DYNC1I1: variants seen among roughly 807,000 people sequenced by gnomAD.
DYNC1I1 encodes cytoplasmic dynein 1 intermediate chain 1.
DYNC1I1 carries 43 observed loss-of-function variants against 86.6 expected under a neutral mutation model. The observed-to-expected ratio is 0.50, with a 90% CI of 0.39 to 0.64. DYNC1I1 has a LOEUF of 0.64. Among genes scored for constraint, DYNC1I1 ranks in the 30% least tolerant of loss-of-function variants. The pLI, the probability that DYNC1I1 is intolerant of heterozygous loss-of-function variation, is 0.00. For synonymous variants in DYNC1I1, 262 were observed against 283.7 expected, an observed-to-expected ratio of 0.92 and a Z score of 0.77; for missense variants, 604 against 788.8, an observed-to-expected ratio of 0.77 and a Z score of 2.81.
chr7:95,988,988 T>C (rs1454533912), intron 9 of DYNC1I1, among the ~76,000 whole-genome samples: 1 of 152,182 alleles, frequency 6.6e-6, no homozygotes, highest in African/African-American at 2.4e-5. Flanking sequence ...TCCCGTGGCA[T>C]ATGCTCTTAA....
intron 15 of DYNC1I1, among the ~76,000 whole-genome samples, chr7:96,078,064 T>A (rs1488162083): frequency 1.3e-5 from 2 of 152,206 alleles, no homozygotes; most frequent in East Asian, 3.8e-4. Flanking sequence ...ATCATTTTTG[T>A]CTTCTGGCAA....
intron 6 of DYNC1I1, among the ~76,000 whole-genome samples, chr7:95,904,435 G>T (rs1791119841): frequency 1.3e-5 from 2 of 152,124 alleles, no homozygotes; most frequent in Non-Finnish European, 2.9e-5. Context: ...ACTCAGCATT[G>T]AGAAATTGGT....
intron 1 of DYNC1I1, among the ~76,000 whole-genome samples, chr7:95,795,888 A>T (rs529621746): frequency 3.9e-5 from 6 of 152,064 alleles, no homozygotes; most frequent in Admixed American, 3.9e-4. Context: ...CTTAAAAATA[A>T]AAGTTAAATT....
intron 6 of DYNC1I1, among the ~76,000 whole-genome samples, chr7:95,917,750 C>T (rs949983394): frequency 7.9e-5 from 12 of 152,212 alleles, no homozygotes; most frequent in Admixed American, 3.9e-4. Context: ...GGTTTTTCTT[C>T]ACCTTGTGGG....
At chr7:95,802,442 C>A (rs1405010455) in intron 1 of DYNC1I1, among the ~76,000 whole-genome samples, 3 of 152,188 alleles carry the variant, frequency 2.0e-5, no homozygotes, top group African/African-American at 7.2e-5. Context: ...AGTTTCCCAG[C>A]AGCTTGCCTT....
At chr7:96,037,431 A>C (rs1208487124) in intron 13 of DYNC1I1, among the ~76,000 whole-genome samples, 1 of 152,196 alleles carries the variant, frequency 6.6e-6, no homozygotes, top group African/African-American at 2.4e-5. Context: ...GAGAAAGATA[A>C]ATACACAAAT....
chr7:95,780,682 C>A (rs1793968950), intron 1 of DYNC1I1, among the ~76,000 whole-genome samples: 1 of 152,078 alleles, frequency 6.6e-6, no homozygotes. Flanking sequence ...GGAAAGAAGT[C>A]CTCTCTTTCT....
chr7:95,822,741 G>A (rs1795104418), intron 4 of DYNC1I1, among the ~76,000 whole-genome samples: 1 of 152,118 alleles, frequency 6.6e-6, no homozygotes, highest in South Asian at 2.1e-4. Flanking sequence ...ACTAATCAGA[G>A]CAGCCAAATG....
intron 8 of DYNC1I1, 147 bp downstream of exon 8, chr7:95,985,124 T>C (rs931612940): frequency 7.1e-5 from 78 of 1,092,892 alleles, no homozygotes; most frequent in Non-Finnish European, 2.2e-5. Flanking sequence ...GCTTTGACTA[T>C]GGGCTTTGGT....
Position 96,028,284 on chromosome 7 carries a change from C to T in DYNC1I1, c.1079C>T (p.Pro360Leu). 1 of 1,613,774 alleles carries T rather than the reference C, an allele frequency of 6.2e-7. No individual in the cohort carries two copies. The highest frequency in any genetic ancestry group is 8.5e-7 in the Non-Finnish European group (1 of 1,179,774). ...LWDNRSHRRT[P>L]VQRTPLSAAA... Reference sequence around the variant, plus strand: ...GACAATCGCAGTCATCGAAGGACTCCAGTGCAGCGGACACCCTTATCAGCT... The same window carrying T: ...GACAATCGCAGTCATCGAAGGACTCTAGTGCAGCGGACACCCTTATCAGCT... Residue 360 changes from proline to leucine, a missense_variant, in exon 11 of 17, where the codon CCA (proline) becomes CTA (leucine). By Grantham distance (98) the Pro-to-Leu change is moderately conservative. Coordinates refer to ENST00000447467, the MANE Select transcript of DYNC1I1 (RefSeq NM_001135556.2).
At chr7:95,798,919 C>G (rs1396148180) in intron 1 of DYNC1I1, among the ~76,000 whole-genome samples, 2 of 152,322 alleles carry the variant, frequency 1.3e-5, no homozygotes, top group Middle Eastern at 3.4e-3. Context: ...GGACATTTTC[C>G]TTTCTCTATG....
intron 14 of DYNC1I1, among the ~76,000 whole-genome samples, chr7:96,047,734 C>A (rs1231212090): frequency 6.6e-6 from 1 of 152,170 alleles, no homozygotes; most frequent in Admixed American, 6.5e-5. Context: ...TATTATTATA[C>A]TCTCTGAGAG....
chr7:95,825,399 C>A (rs913003674), intron 4 of DYNC1I1, among the ~76,000 whole-genome samples: 11 of 152,310 alleles, frequency 7.2e-5, no homozygotes, highest in African/African-American at 2.4e-4. Context: ...CTACTCCTTG[C>A]AAGGAAAGCT....
intron 10 of DYNC1I1, among the ~76,000 whole-genome samples, chr7:96,025,110 T>TCA (rs1220243507): frequency 6.6e-6 from 1 of 152,092 alleles, no homozygotes. Context: ...AACTCACTCA[T>TCA]CCAAATGTTG....
chr7:95,918,031 A>G lies in DYNC1I1; in HGVS notation c.490+48033A>G, dbSNP rs553344707. ...TGGTTGAGGTTTTTGGATTTGAACA[A>G]CATTTAAAAATGTCTATTTGAGTAT... On this transcript the variant is annotated intron_variant, in intron 6 of 16. Coordinates refer to ENST00000447467, the MANE Select transcript of DYNC1I1 (RefSeq NM_001135556.2). 3.6e-3 allele frequency among the ~76,000 whole-genome samples: 555 copies of G among 152,298 alleles called. 1 individual carries two copies. Among genetic ancestry groups the G allele is most frequent in the Middle Eastern group, 0.014 (4 of 294 alleles).
intron 5 of DYNC1I1, among the ~76,000 whole-genome samples, chr7:95,868,692 T>C (rs959236468): frequency 2.6e-5 from 4 of 152,152 alleles, no homozygotes; most frequent in African/African-American, 7.2e-5. Context: ...AAAATACATA[T>C]GTTTGTAAAT....
At chr7:96,038,704 A>G (rs542135447) in intron 13 of DYNC1I1, among the ~76,000 whole-genome samples, 38 of 152,356 alleles carry the variant, frequency 2.5e-4, no homozygotes, top group African/African-American at 8.9e-4. Context: ...TATTTTCTCC[A>G]TATTATATTT....
At chr7:95,970,654 GC>G (rs569187805) in intron 6 of DYNC1I1, among the ~76,000 whole-genome samples, 53 of 152,238 alleles carry the variant, frequency 3.5e-4, no homozygotes, top group Non-Finnish European at 6.3e-4. Context: ...GCCATTCAAG[GC>G]CCTACGTGAT....
At chr7:95,975,262 A>G (rs1417074997) in intron 6 of DYNC1I1, among the ~76,000 whole-genome samples, 1 of 152,184 alleles carries the variant, frequency 6.6e-6, no homozygotes, top group Non-Finnish European at 1.5e-5. Flanking sequence ...CTATAACAAA[A>G]TACCACAAAC....
Sources: allele counts gnomAD v4.1 joint callset (sites outside exome capture counted in the v4.1 genomes callset), GRCh38; gene constraint gnomAD v4.1.1; transcripts MANE v1.5; gene names NCBI Gene and HGNC (gene_info 2026-07-23, HGNC 2026-07-21).